The following SAFB variants were observed in gnomAD, a reference collection of about 807,000 sequenced individuals.
The protein encoded by SAFB is scaffold attachment factor B, also known as scaffold attachment factor B1.
In SAFB, 15 loss-of-function variants were observed where a neutral mutation model predicts 101.6. The ratio of observed to expected loss-of-function variants is 0.15; its 90% confidence interval spans 0.10 to 0.23. The LOEUF is 0.23. Among genes scored for constraint, SAFB ranks in the 10% least tolerant of loss-of-function variants. The pLI, the probability that SAFB is intolerant of heterozygous loss-of-function variation, is 1.00. For missense variants in SAFB, 930 were observed against 1,104.1 expected, an observed-to-expected ratio of 0.84 and a Z score of 2.23; for synonymous variants, 449 against 407.5, an observed-to-expected ratio of 1.10 and a Z score of -1.23.
intron 1 of SAFB, among the ~76,000 whole-genome samples, chr19:5,625,772 C>T (rs1298276022): frequency 2.0e-5 from 3 of 152,176 alleles, no homozygotes; most frequent in Non-Finnish European, 4.4e-5. Context: ...TCCGATGAGG[C>T]ACAATCACCT....
At chr19:5,643,136 C>T (rs1011088587) in intron 4 of SAFB, among the ~76,000 whole-genome samples, 14 of 152,022 alleles carry the variant, frequency 9.2e-5, no homozygotes, top group African/African-American at 2.7e-4. Flanking sequence ...AACTTATGTA[C>T]GATGTTGTCT....
In SAFB at chr19:5,667,297, C is replaced by A. The variant is rs2054353571; in HGVS notation, c.2454-50C>A. On this transcript the variant is annotated intron_variant, in intron 18 of 20. Coordinates refer to ENST00000588852, the MANE Select transcript of SAFB (RefSeq NM_001201338.2). This position sits in a 1 kb window ranked among gnomAD's most constrained non-coding sequence, Gnocchi z 4.0. ...CCAGAAGCCGCCACAGTTATTAGCACAAGAGCCAGAGATGGGGGCAATCCA... is the reference window on the plus strand; with the variant it reads ...CCAGAAGCCGCCACAGTTATTAGCAAAAGAGCCAGAGATGGGGGCAATCCA... The A allele has an allele frequency of 7.2e-7, 1 of 1,384,402 alleles. No individual in the cohort carries two copies. The highest frequency in any genetic ancestry group is 9.7e-7 in the Non-Finnish European group (1 of 1,032,548). The allele number at this position is 1,384,402 out of a possible 1,614,324, so 85.8% of individuals were successfully genotyped here.
chr19:5,645,425 T>C, intron 5 of SAFB, 26 bp downstream of exon 5: 1 of 1,133,558 alleles, frequency 8.8e-7, no homozygotes, highest in Non-Finnish European at 1.3e-6. Flanking sequence ...TCTCAGTACT[T>C]TTAGAATGAA....
chr19:5,647,828 G>A (rs1008357495), intron 5 of SAFB, among the ~76,000 whole-genome samples, 188 bp from the exon 6 acceptor site: 2 of 152,182 alleles, frequency 1.3e-5, no homozygotes, highest in Non-Finnish European at 2.9e-5. Flanking sequence ...AATGGAGGGT[G>A]GGCTGAGTGA....
Position 5,661,755 on chromosome 19 carries a change from G to A in SAFB, c.2100G>A (p.Leu700=), listed in dbSNP as rs1414762184. The A allele has an allele frequency of 1.9e-6, 3 of 1,584,644 alleles. No individual in the cohort carries two copies. The highest frequency in any genetic ancestry group is 2.6e-6 in the Non-Finnish European group (3 of 1,167,498). The change falls in exon 15 of 21, where the codon CTG becomes CTA. Residue 700 remains leucine, a synonymous_variant. Transcript: ENST00000588852. Reference sequence around the variant, plus strand: ...AGGAGCTGAGGCGCCAGCAGGAACTGCGCTATGAGCAGGAGCGGCGGCCCG... The same window carrying A: ...AGGAGCTGAGGCGCCAGCAGGAACTACGCTATGAGCAGGAGCGGCGGCCCG... ...EREELRRQQE[L]RYEQERRPAV...
At position 5,657,324 on chromosome 19, in the gene SAFB, G is replaced by A. The variant is rs1292608870; in HGVS notation, c.1839G>A (p.Lys613=). 8 of 1,612,842 alleles carry A rather than the reference G, an allele frequency of 5.0e-6. No homozygotes were observed. The highest frequency in any genetic ancestry group is 6.8e-6 in the Non-Finnish European group (8 of 1,178,878). The part of the protein sequence containing the change: ...VSFDKVKEPR[K]SRDSESHSRV... ...TTGATAAGGTCAAGGAGCCTCGGAA[G>A]TCAAGAGACTCAGAGTCCCATAGGT... Residue 613 remains lysine (K), a synonymous_variant, in exon 14 of 21, where the codon AAG becomes AAA. Transcript: ENST00000588852.
chr19:5,626,386 A>C lies in SAFB; in HGVS notation c.190-19A>C. ...TGAGCTGACTTTTTGGATCAACTTTACTTTTCCCTTCTTTTTAGGCAATTG... is the reference window on the plus strand; with the variant it reads ...TGAGCTGACTTTTTGGATCAACTTTCCTTTTCCCTTCTTTTTAGGCAATTG... On this transcript the variant is annotated intron_variant, in intron 1 of 20. Transcript: ENST00000588852. 2.7e-6 allele frequency: 4 copies of C among 1,479,006 alleles called. No individual in the cohort carries two copies. In the East Asian group the frequency reaches 9.0e-5, roughly 33 times the overall value. 91.6% of individuals were successfully genotyped at this position (1,479,006 alleles called of 1,614,324 possible).
At chr19:5,636,455 A>T (rs889551309) in intron 2 of SAFB, among the ~76,000 whole-genome samples, 4 of 152,112 alleles carry the variant, frequency 2.6e-5, no homozygotes, top group African/African-American at 9.7e-5. Flanking sequence ...AAATAATGGT[A>T]TAAAATGGGG....
intron 17 of SAFB, chr19:5,664,663 T>C: frequency 2.0e-6 from 1 of 494,778 alleles, no homozygotes; most frequent in South Asian, 2.0e-5. Flanking sequence ...TTTTTAGCCT[T>C]GACCCTGGGG....
At position 5,645,394 on chromosome 19, in the gene SAFB, T is replaced by G. The variant is rs758137846; in HGVS notation, c.604T>G (p.Leu202Val). ...LDTSSSDFTI[L>V]QEIEEPSLEP... Reference sequence around the variant, plus strand: ...TACTTCATCATCTGACTTCACTATATTACAGGTAAACTGTTGTATGTCTCA... The same window carrying G: ...TACTTCATCATCTGACTTCACTATAGTACAGGTAAACTGTTGTATGTCTCA... Residue 202 changes from leucine to valine, a missense_variant, in exon 5 of 21, where the codon TTA becomes GTA. Transcript: ENST00000588852. The G allele has an allele frequency of 2.2e-6, 3 of 1,352,202 alleles. No individual in the cohort carries two copies. The allele number at this position is 1,352,202 out of a possible 1,614,324, so 83.8% of individuals were successfully genotyped here.
intron 2 of SAFB, among the ~76,000 whole-genome samples, chr19:5,636,200 T>C (rs2053592284): frequency 6.6e-6 from 1 of 152,032 alleles, no homozygotes; most frequent in Admixed American, 6.6e-5. Flanking sequence ...GAAAATCTAG[T>C]ACCCCTCCTG....
At chr19:5,657,928 AAAT>A (rs1250234885) in intron 14 of SAFB, among the ~76,000 whole-genome samples, 1 of 152,210 alleles carries the variant, frequency 6.6e-6, no homozygotes, top group Non-Finnish European at 1.5e-5. Flanking sequence ...CGTCAACAAA[AAAT>A]ACCAAATTTG....
intron 14 of SAFB, among the ~76,000 whole-genome samples, chr19:5,658,170 G>A (rs1023527397): frequency 6.6e-5 from 10 of 151,790 alleles, no homozygotes; most frequent in African/African-American, 2.2e-4. Flanking sequence ...GCTCATTTTT[G>A]TATTTTTAGT....
Position 5,667,485 on chromosome 19 carries a change from C to G in SAFB, c.2557+35C>G, listed in dbSNP as rs1368092387. On this transcript the variant is annotated intron_variant, in intron 19 of 20. Transcript: ENST00000588852. The surrounding 1 kb of genome is among the most constrained non-coding windows in gnomAD (Gnocchi z 4.0). Reference sequence around the variant, plus strand: ...AGCTCTGGGCTGGGACCAGGATGTGCTGGGGAGTGATGGAAAGATGGAGGC... The same window carrying G: ...AGCTCTGGGCTGGGACCAGGATGTGGTGGGGAGTGATGGAAAGATGGAGGC... 7 of 1,415,992 alleles carry G rather than the reference C, an allele frequency of 4.9e-6. No homozygotes were observed. The South Asian group carries it at 9.2e-5, about 19-fold the overall frequency. The allele number at this position is 1,415,992 out of a possible 1,614,324, so 87.7% of individuals were successfully genotyped here.
intron 2 of SAFB, among the ~76,000 whole-genome samples, chr19:5,629,490 G>A (rs1047217424): frequency 3.3e-5 from 5 of 151,904 alleles, no homozygotes; most frequent in Middle Eastern, 3.4e-3. Context: ...AAAAAAACCC[G>A]TGATCTTGCT....
chr19:5,668,131 C>T (rs771197751), intron 20 of SAFB, 31 bp from the exon 21 acceptor site: 5 of 1,599,806 alleles, frequency 3.1e-6, no homozygotes, highest in Middle Eastern at 1.7e-4. Flanking sequence ...AGGAGGACTT[C>T]GCAGTCAAAC....
In SAFB at chr19:5,668,401, C is replaced by A; in HGVS notation, c.*110C>A. 5.2e-6 allele frequency: 6 copies of A among 1,155,894 alleles called. No individual in the cohort carries two copies. Among genetic ancestry groups the A allele is most frequent in the South Asian group, 1.5e-5 (1 of 64,852 alleles). The allele number at this position is 1,155,894 out of a possible 1,614,324, so 71.6% of individuals were successfully genotyped here. On this transcript the variant is annotated 3_prime_UTR_variant, in exon 21 of 21. Coordinates refer to ENST00000588852, the MANE Select transcript of SAFB (RefSeq NM_001201338.2). ...TTTAATCTGCTGCCATATTGTAGCTCAATACAATGTGAATTTGTTTTTCGT... is the reference window on the plus strand; with the variant it reads ...TTTAATCTGCTGCCATATTGTAGCTAAATACAATGTGAATTTGTTTTTCGT...
At chr19:5,661,495 T>C (rs755311109) in intron 14 of SAFB, 23 bp from the exon 15 acceptor site, 1 of 1,608,952 alleles carries the variant, frequency 6.2e-7, no homozygotes, top group Non-Finnish European at 8.5e-7. Context: ...TAGGTCCCCT[T>C]CTGCAGCTCT....
intron 11 of SAFB, 93 bp from the exon 12 acceptor site, chr19:5,653,968 C>T (rs571967640): frequency 1.2e-5 from 14 of 1,189,268 alleles, no homozygotes; most frequent in Middle Eastern, 2.1e-4. Flanking sequence ...CTCGAACTCC[C>T]GGTCTCATGT....
Sources: allele counts gnomAD v4.1 joint callset (sites outside exome capture counted in the v4.1 genomes callset), GRCh38; gene constraint gnomAD v4.1.1; non-coding constraint Gnocchi (gnomAD v3.1); transcripts MANE v1.5; gene names NCBI Gene and HGNC (gene_info 2026-07-23, HGNC 2026-07-21).